Variants in PSKH1 observed in about 807,000 individuals in gnomAD.
The protein encoded by PSKH1 is protein serine kinase H1, also known as serine/threonine-protein kinase H1.
A neutral mutation model predicts 26.7 loss-of-function variants in PSKH1; 12 were observed. The ratio of observed to expected loss-of-function variants is 0.45; its 90% confidence interval spans 0.29 to 0.73. The LOEUF (loss-of-function observed/expected upper bound fraction) is 0.73. Among genes scored for constraint, PSKH1 ranks in the 30% least tolerant of loss-of-function variants. The pLI is 0.11. For missense variants in PSKH1, 431 were observed against 595.2 expected, an observed-to-expected ratio of 0.72 and a Z score of 2.87; for synonymous variants, 213 against 234.3, an observed-to-expected ratio of 0.91 and a Z score of 0.83.
In PSKH1 at chr16:67,909,748, C is replaced by T. The variant is rs2151312516; in HGVS notation, c.957+42C>T. Reference sequence around the variant, plus strand: ...CCTGTCCTGGATGTTGGGGAGGCACCTGCGGGGGCAGGTATATCCTGCAGC... The same window carrying T: ...CCTGTCCTGGATGTTGGGGAGGCACTTGCGGGGGCAGGTATATCCTGCAGC... On this transcript the variant is annotated intron_variant, in intron 2 of 2. Transcript: ENST00000291041. The surrounding 1 kb of genome is among the most constrained non-coding windows in gnomAD (Gnocchi z 7.8). 6.4e-7 allele frequency: 1 copy of T among 1,563,210 alleles called. No individual in the cohort carries two copies. The highest frequency in any genetic ancestry group is 8.7e-7 in the Non-Finnish European group (1 of 1,148,974).
intron 1 of PSKH1, among the ~76,000 whole-genome samples, chr16:67,894,916 A>T (rs2058121779): frequency 6.9e-6 from 1 of 145,626 alleles, no homozygotes; most frequent in African/African-American, 2.5e-5. Context: ...TTACTGTCTG[A>T]GTTAGTTTTT....
At chr16:67,899,526 C>T (rs575298491) in intron 1 of PSKH1, among the ~76,000 whole-genome samples, 2 of 151,672 alleles carry the variant, frequency 1.3e-5, no homozygotes, top group Non-Finnish European at 2.9e-5. Context: ...TAGTAGAGAC[C>T]GGGTTTCACC....
chr16:67,923,650 T>C (rs2058209037), intron 2 of PSKH1, among the ~76,000 whole-genome samples: 1 of 152,228 alleles, frequency 6.6e-6, no homozygotes, highest in African/African-American at 2.4e-5. Flanking sequence ...GGTGGAAGCC[T>C]CAGAGACTGC....
In PSKH1 at chr16:67,929,254, A is replaced by C. The variant is rs1279239345; in HGVS notation, c.*1612A>C. On this transcript the variant is annotated 3_prime_UTR_variant, in exon 3 of 3. Coordinates refer to ENST00000291041, the MANE Select transcript of PSKH1 (RefSeq NM_006742.3). ...TCCCACTCAGCTTCTGCCGGTCGGC[A>C]GCCTGGGCCAGGCCCTTTTCCTGCA... 1.3e-5 allele frequency: 2 copies of C among 152,454 alleles called. No individual in the cohort carries two copies. The highest frequency in any genetic ancestry group is 2.9e-5 in the Non-Finnish European group (2 of 68,098). The allele number at this position is 152,454 out of a possible 1,614,324, so 9.4% of individuals were successfully genotyped here. A position where few individuals can be genotyped will look rare whatever the true frequency, so the allele number is the denominator to read the frequency against.
In PSKH1 at chr16:67,927,524, C is replaced by T; in HGVS notation, c.1157C>T (p.Thr386Ile). 2 of 1,614,146 alleles carry T rather than the reference C, an allele frequency of 1.2e-6. No individual in the cohort carries two copies. Among genetic ancestry groups the T allele is most frequent in the Non-Finnish European group, 1.7e-6 (2 of 1,180,050 alleles). ...CGTGCCTCCTCGCGCTGCCAGAGCA[C>T]CAAATCTGCCCAGTCCACGCGTTCC... ...LKRASSRCQS[T>I]KSAQSTRSSR... Residue 386 changes from threonine (T) to isoleucine (I), a missense_variant, in exon 3 of 3, where the codon ACC (threonine) becomes ATC (isoleucine). Transcript: ENST00000291041. This position sits in a 1 kb window ranked among gnomAD's most constrained non-coding sequence, Gnocchi z 5.5.
In PSKH1 at chr16:67,909,572, A is replaced by G; in HGVS notation, c.823A>G (p.Thr275Ala). The change falls in exon 2 of 3, where the codon ACC (threonine) becomes GCC (alanine). Residue 275 changes from threonine (T) to alanine (A), a missense_variant. Thr to Ala is a moderately conservative substitution (Grantham distance 58). Transcript: ENST00000291041. The surrounding 1 kb of genome is among the most constrained non-coding windows in gnomAD (Gnocchi z 7.8). ...APEVLVRKPY[T>A]NSVDMWALGV... is the part of the protein sequence containing the mutation. ...AGAAGTCCTGGTCCGCAAGCCATACACCAACTCAGTGGACATGTGGGCGCT... is the reference window on the plus strand; with the variant it reads ...AGAAGTCCTGGTCCGCAAGCCATACGCCAACTCAGTGGACATGTGGGCGCT... 1 of 1,614,024 alleles carries G rather than the reference A, an allele frequency of 6.2e-7. No homozygotes were observed. Among genetic ancestry groups the G allele is most frequent in the Non-Finnish European group, 8.5e-7 (1 of 1,180,034 alleles).
At chr16:67,916,387 A>G (rs2058187995) in intron 2 of PSKH1, among the ~76,000 whole-genome samples, 1 of 152,118 alleles carries the variant, frequency 6.6e-6, no homozygotes, top group African/African-American at 2.4e-5. Context: ...AGCTCTGTCC[A>G]TGCAGCCCCA....
At chr16:67,898,928 A>G (rs2058134095) in intron 1 of PSKH1, among the ~76,000 whole-genome samples, 1 of 152,102 alleles carries the variant, frequency 6.6e-6, no homozygotes, top group African/African-American at 2.4e-5. Context: ...GCCGGTAGAC[A>G]GTTTTTCAAA....
intron 2 of PSKH1, among the ~76,000 whole-genome samples, chr16:67,920,035 C>T (rs1218256132): frequency 1.3e-5 from 2 of 152,196 alleles, no homozygotes; most frequent in African/African-American, 4.8e-5. Context: ...ATCACTTTTT[C>T]CACCTCCAGC....
chr16:67,928,730 T>A lies in PSKH1; in HGVS notation c.*1088T>A, dbSNP rs1367180524. ...GCCCATCGTGCACACCTGCCCATCG[T>A]GCACACCCACCCATGGTGCACACCT... On this transcript the variant is annotated 3_prime_UTR_variant, in exon 3 of 3. Transcript: ENST00000291041. The surrounding 1 kb of genome is among the most constrained non-coding windows in gnomAD (Gnocchi z 4.8). 6.6e-6 allele frequency: 1 copy of A among 152,226 alleles called. No homozygotes were observed. The highest frequency in any genetic ancestry group is 1.5e-5 in the Non-Finnish European group (1 of 68,064). 9.4% of individuals were successfully genotyped at this position (152,226 alleles called of 1,614,324 possible).
rs1344081369 is a variant in PSKH1 at position 67,912,868 on chromosome 16, C to CA, written c.957+3169dup. Among the ~76,000 whole-genome samples, 2 of 150,238 alleles carry CA rather than the reference C, an allele frequency of 1.3e-5. 1 individual carries two copies. The highest frequency in any genetic ancestry group is 3.0e-5 in the Non-Finnish European group (2 of 67,630). On this transcript the variant is annotated intron_variant, in intron 2 of 2. Transcript: ENST00000291041. ...GGGCAACAAGAGCGAAACTCTGTCT[C>CA]AAAAAAAGAAACAAAAAAAAAGAAA...
intron 2 of PSKH1, among the ~76,000 whole-genome samples, chr16:67,911,622 C>T (rs1349915896): frequency 6.6e-6 from 1 of 152,144 alleles, no homozygotes; most frequent in Non-Finnish European, 1.5e-5. Flanking sequence ...ACAGAGGTTG[C>T]AGTAAGCCAA....
chr16:67,896,329 A>G (rs2058126339), intron 1 of PSKH1, among the ~76,000 whole-genome samples: 1 of 151,802 alleles, frequency 6.6e-6, no homozygotes, highest in Admixed American at 6.6e-5. Flanking sequence ...GGCTGGTCTC[A>G]AACTCCTGAC....
chr16:67,900,029 T>A (rs2058137434), intron 1 of PSKH1, among the ~76,000 whole-genome samples: 1 of 152,056 alleles, frequency 6.6e-6, no homozygotes, highest in African/African-American at 2.4e-5. Flanking sequence ...TGGCATGATC[T>A]CAGCCTACTG....
chr16:67,912,214 G>A lies in PSKH1; in HGVS notation c.957+2508G>A, dbSNP rs1045479400. ...ATACTGGTACTGAATGAGAGCCTGG[G>A]AAGCCAGAGAATAGTCCCTTATACT... On this transcript the variant is annotated intron_variant, in intron 2 of 2. Coordinates refer to ENST00000291041, the MANE Select transcript of PSKH1 (RefSeq NM_006742.3). Among the ~76,000 whole-genome samples, 4 of 152,330 alleles carry A rather than the reference G, an allele frequency of 2.6e-5. No individual in the cohort carries two copies. In the East Asian group the frequency reaches 7.7e-4, roughly 29 times the overall value.
intron 2 of PSKH1, among the ~76,000 whole-genome samples, chr16:67,925,348 C>T (rs1195945909): frequency 6.6e-6 from 1 of 152,014 alleles, no homozygotes; most frequent in Non-Finnish European, 1.5e-5. Flanking sequence ...GGCACGCCAC[C>T]ACGCCCGACT....
intron 2 of PSKH1, among the ~76,000 whole-genome samples, chr16:67,926,034 A>AGGTGAAGGGTACCATGGGT (rs780376004): frequency 6.6e-6 from 1 of 152,036 alleles, no homozygotes; most frequent in Non-Finnish European, 1.5e-5. Flanking sequence ...GGGTTCCTCA[A>AGGTGAAGGGTACCATGGGT]GGTGAAGGGT....
chr16:67,897,568 C>T (rs2058129864), intron 1 of PSKH1, among the ~76,000 whole-genome samples: 1 of 152,126 alleles, frequency 6.6e-6, no homozygotes, highest in Non-Finnish European at 1.5e-5. Context: ...GAGACTATGG[C>T]CGCCTTCTTT....
At chr16:67,921,497 C>T (rs1228742006) in intron 2 of PSKH1, among the ~76,000 whole-genome samples, 1 of 151,726 alleles carries the variant, frequency 6.6e-6, no homozygotes, top group Non-Finnish European at 1.5e-5. Context: ...ATCGGTTGAA[C>T]CTGGGAGGCG....
Sources: allele counts gnomAD v4.1 joint callset (sites outside exome capture counted in the v4.1 genomes callset), GRCh38; gene constraint gnomAD v4.1.1; non-coding constraint Gnocchi (gnomAD v3.1); transcripts MANE v1.5; gene names NCBI Gene and HGNC (gene_info 2026-07-23, HGNC 2026-07-21).